MTHFD1: variants seen among roughly 807,000 people sequenced by gnomAD.
MTHFD1 encodes the protein C-1-tetrahydrofolate synthase, cytoplasmic.
MTHFD1 carries 44 observed loss-of-function variants against 110.3 expected under a neutral mutation model. The observed-to-expected ratio is 0.40, with a 90% CI of 0.31 to 0.51. MTHFD1 has a LOEUF of 0.51. Ranked by LOEUF, MTHFD1 falls within the 20% of genes least tolerant of loss-of-function variation. The probability of loss-of-function intolerance (pLI) is 0.60; values close to 1 mark genes in which losing one functional copy is unlikely to be tolerated. For synonymous variants in MTHFD1, 402 were observed against 428.8 expected, an observed-to-expected ratio of 0.94 and a Z score of 0.77; for missense variants, 909 against 1,173.1, an observed-to-expected ratio of 0.77 and a Z score of 3.29.
intron 1 of MTHFD1, among the ~76,000 whole-genome samples, chr14:64,400,219 C>T (rs186890303): frequency 5.8e-4 from 88 of 151,634 alleles, no homozygotes; most frequent in Non-Finnish European, 7.1e-4. Flanking sequence ...AGAATCTCCA[C>T]GTTTACTAGA....
intron 2 of MTHFD1, among the ~76,000 whole-genome samples, chr14:64,408,285 C>CTTTTT (rs1555336630): frequency 5.0e-5 from 6 of 121,176 alleles, no homozygotes; most frequent in African/African-American, 1.6e-4. Flanking sequence ...AATCAGCATT[C>CTTTTT]TTTTTTTTTT....
At chr14:64,430,299 G>C in intron 13 of MTHFD1, 69 bp downstream of exon 13, 2 of 1,424,110 alleles carry the variant, frequency 1.4e-6, no homozygotes, top group African/African-American at 2.8e-5. Context: ...TGCTGAATTA[G>C]CTCCCTTTTT....
intron 1 of MTHFD1, among the ~76,000 whole-genome samples, chr14:64,394,983 C>G (rs184546180): frequency 6.6e-6 from 1 of 152,266 alleles, no homozygotes; most frequent in Admixed American, 6.5e-5. Flanking sequence ...GCTCTAGCGG[C>G]CAGATCTATG....
intron 15 of MTHFD1, among the ~76,000 whole-genome samples, chr14:64,433,714 A>ATTT (rs1170650639): frequency 8.5e-5 from 11 of 129,064 alleles, no homozygotes; most frequent in African/African-American, 2.0e-4. Flanking sequence ...TGAGCTCAGC[A>ATTT]TTTTTTTTTT....
At chr14:64,422,298 A>G (rs2078080887) in intron 8 of MTHFD1, among the ~76,000 whole-genome samples, 1 of 152,138 alleles carries the variant, frequency 6.6e-6, no homozygotes, top group Non-Finnish European at 1.5e-5. Flanking sequence ...GATATTTGCA[A>G]ATGTTCACTT....
intron 13 of MTHFD1, among the ~76,000 whole-genome samples, chr14:64,430,878 G>A (rs1467374662): frequency 6.6e-6 from 1 of 152,002 alleles, no homozygotes; most frequent in African/African-American, 2.4e-5. Flanking sequence ...ACATAGAGTC[G>A]GTGCTGCTCC....
intron 1 of MTHFD1, 53 bp downstream of exon 1, chr14:64,388,521 G>T: frequency 6.5e-7 from 1 of 1,550,308 alleles, no homozygotes; most frequent in Non-Finnish European, 8.9e-7. Flanking sequence ...GGGCTCTGAG[G>T]GTGTGCAGGT....
chr14:64,417,378 A>T lies in MTHFD1; in HGVS notation c.479-510A>T, dbSNP rs2078032569. On this transcript the variant is annotated intron_variant, in intron 6 of 27. Transcript: ENST00000652337. The surrounding 1 kb of genome is among the most constrained non-coding windows in gnomAD (Gnocchi z 4.4). ...ATTTCCCCTTTATCACTTCCCTGCAAGTAACCCTATGGCTCAGGCCCTAAG... is the reference window on the plus strand; with the variant it reads ...ATTTCCCCTTTATCACTTCCCTGCATGTAACCCTATGGCTCAGGCCCTAAG... 6.6e-6 allele frequency among the ~76,000 whole-genome samples: 1 copy of T among 152,230 alleles called. No individual in the cohort carries two copies. The highest frequency in any genetic ancestry group is 1.5e-5 in the Non-Finnish European group (1 of 68,038).
intron 11 of MTHFD1, 56 bp downstream of exon 11, chr14:64,426,248 G>A: frequency 1.9e-6 from 3 of 1,599,600 alleles, no homozygotes; most frequent in Non-Finnish European, 2.6e-6. Context: ...TGATACTAAG[G>A]CGTTGCATTT....
Position 64,417,858 on chromosome 14 carries a change from A to G in MTHFD1, c.479-30A>G. 1 of 1,612,068 alleles carries G rather than the reference A, an allele frequency of 6.2e-7. No individual in the cohort carries two copies. Among genetic ancestry groups the G allele is most frequent in the Non-Finnish European group, 8.5e-7 (1 of 1,179,864 alleles). On this transcript the variant is annotated intron_variant, in intron 6 of 27. Transcript: ENST00000652337. This position sits in a 1 kb window ranked among gnomAD's most constrained non-coding sequence, Gnocchi z 4.4. ...CGAAGGAGGGCAGCTTCTATCCTCC[A>G]ACTCTGATGCAGGCTGGCTTTTCTT...
chr14:64,435,477 T>A, intron 15 of MTHFD1, 92 bp from the exon 16 acceptor site: 1 of 796,850 alleles, frequency 1.3e-6, no homozygotes, highest in Non-Finnish European at 2.3e-6. Flanking sequence ...CTAGAGGGGA[T>A]CCCATTTAGA....
At chr14:64,455,057 G>A in intron 26 of MTHFD1, 182 bp downstream of exon 26, 2 of 648,570 alleles carry the variant, frequency 3.1e-6, no homozygotes, top group Non-Finnish European at 5.5e-6. Flanking sequence ...AGCTCTTGCT[G>A]TGGACCATCT....
At position 64,440,246 on chromosome 14, in the gene MTHFD1, C is replaced by T. The variant is rs750875524; in HGVS notation, c.1795C>T (p.Pro599Ser). Residue 599 changes from proline (P) to serine (S), a missense_variant, in exon 18 of 28, where the codon CCC becomes TCC. Pro to Ser is a moderately conservative substitution (Grantham distance 74). Transcript: ENST00000652337. ...MVVASSKKGE[P>S]VSAEDLGVSG... Reference sequence around the variant, plus strand: ...GGTGGCATCCAGTAAGAAAGGAGAGCCCGTCAGTGCCGAAGATCTGGTGGG... The same window carrying T: ...GGTGGCATCCAGTAAGAAAGGAGAGTCCGTCAGTGCCGAAGATCTGGTGGG... 13 of 1,614,164 alleles carry T rather than the reference C, an allele frequency of 8.1e-6. No homozygotes were observed. The highest frequency in any genetic ancestry group is 1.1e-5 in the Non-Finnish European group (13 of 1,180,032).
intron 8 of MTHFD1, among the ~76,000 whole-genome samples, chr14:64,422,625 G>T (rs932229213): frequency 9.2e-5 from 14 of 152,096 alleles, no homozygotes; most frequent in African/African-American, 3.4e-4. Flanking sequence ...ATGCAATCCA[G>T]TCTCAACCTA....
At chr14:64,412,917 C>T (rs1269576185) in intron 4 of MTHFD1, among the ~76,000 whole-genome samples, 3 of 151,216 alleles carry the variant, frequency 2.0e-5, no homozygotes, top group South Asian at 2.1e-4. Context: ...GGATTACAGG[C>T]GTGAGCCACC....
At chr14:64,427,880 G>C (rs1371904547) in intron 12 of MTHFD1, among the ~76,000 whole-genome samples, 1 of 152,132 alleles carries the variant, frequency 6.6e-6, no homozygotes. Context: ...CTTTGTGCCA[G>C]ATATTGTGCT....
rs376353102 is a variant in MTHFD1, at chr14:64,427,490, A to T, written c.1264+17A>T. ...GAATAAAAGGTACTAGTGAGACTGG[A>T]CCATGGGTGGTGACAGGGGACCTGC... On this transcript the variant is annotated intron_variant, in intron 12 of 27. Coordinates refer to ENST00000652337, the MANE Select transcript of MTHFD1 (RefSeq NM_005956.4). The T allele has an allele frequency of 5.0e-6, 8 of 1,613,858 alleles. No individual in the cohort carries two copies. The highest frequency in any genetic ancestry group is 2.5e-6 in the Non-Finnish European group (3 of 1,179,912).
chr14:64,413,698 G>A (rs1391379664), intron 4 of MTHFD1, among the ~76,000 whole-genome samples: 1 of 152,214 alleles, frequency 6.6e-6, no homozygotes, highest in African/African-American at 2.4e-5. Context: ...ATTGTAAGGT[G>A]CAAATTATAG....
intron 1 of MTHFD1, among the ~76,000 whole-genome samples, chr14:64,389,719 A>C (rs904621353): frequency 6.6e-6 from 1 of 152,118 alleles, no homozygotes; most frequent in African/African-American, 2.4e-5. Context: ...AGAAAAAAAA[A>C]AAAAGAAATC....
Sources: allele counts gnomAD v4.1 joint callset (sites outside exome capture counted in the v4.1 genomes callset), GRCh38; gene constraint gnomAD v4.1.1; non-coding constraint Gnocchi (gnomAD v3.1); transcripts MANE v1.5; gene names NCBI Gene and HGNC (gene_info 2026-07-23, HGNC 2026-07-21).